STK11: variants seen among roughly 807,000 people sequenced by gnomAD.
The protein encoded by STK11 is serine/threonine kinase 11.
In STK11, 8 loss-of-function variants were observed where a neutral mutation model predicts 47.3. The observed-to-expected ratio is 0.17, with a 90% CI of 0.10 to 0.31. The LOEUF (loss-of-function observed/expected upper bound fraction) is 0.31, where lower values mean the gene tolerates loss of function less well. STK11 is among the 10% of genes least tolerant of loss of function. The pLI, the probability that STK11 is intolerant of heterozygous loss-of-function variation, is 1.00. For missense variants in STK11, 475 were observed against 605.0 expected, an observed-to-expected ratio of 0.79 and a Z score of 2.25; for synonymous variants, 330 against 255.8, an observed-to-expected ratio of 1.29 and a Z score of -2.77.
chr19:1,225,455 A>G (rs2080814206), intron 8 of STK11: 1 of 822,044 alleles, frequency 1.2e-6, no homozygotes, highest in Non-Finnish European at 1.5e-6. Context: ...TGTTTAGTAG[A>G]GACGGGGGTT....
At chr19:1,224,999 C>T (rs2080810886) in intron 8 of STK11, 1 of 985,606 alleles carries the variant, frequency 1.0e-6, no homozygotes, top group Non-Finnish European at 1.2e-6. Context: ...GGGGCTGCTG[C>T]ATCGGCCTCT....
In STK11 at chr19:1,227,755, G is replaced by GCGCAGCCCTCCCCCCTCGGC; in HGVS notation, c.*183_*202dup. The GCGCAGCCCTCCCCCCTCGGC allele has an allele frequency of 9.3e-7, 1 of 1,073,660 alleles. No individual in the cohort carries two copies. The highest frequency in any genetic ancestry group is 1.1e-6 in the Non-Finnish European group (1 of 884,404). 66.5% of individuals were successfully genotyped at this position (1,073,660 alleles called of 1,614,324 possible). A position where few individuals can be genotyped will look rare whatever the true frequency, so the allele number is the denominator to read the frequency against. ...CGGGCAGGGGGACAGCAGGGACCGG[G>GCGCAGCCCTCCCCCCTCGGC]CGCAGCCCTCCCCCCTCGGCCGCCC... On this transcript the variant is annotated 3_prime_UTR_variant, in exon 10 of 10. Coordinates refer to ENST00000326873, the MANE Select transcript of STK11 (RefSeq NM_000455.5).
rs374665365 is a variant in STK11, at chr19:1,218,305, G to T, written c.291-112G>T. On this transcript the variant is annotated intron_variant, in intron 1 of 9. Coordinates refer to ENST00000326873, the MANE Select transcript of STK11 (RefSeq NM_000455.5). Reference sequence around the variant, plus strand: ...TGTGAACTCACAGCTTCTCTCTAGGGAAGGGAGGAGGTACGCCACTTCCAC... The same window carrying T: ...TGTGAACTCACAGCTTCTCTCTAGGTAAGGGAGGAGGTACGCCACTTCCAC... 4.0e-5 allele frequency: 35 copies of T among 866,276 alleles called. No homozygotes were observed. The East Asian group carries it at 4.6e-4, about 11-fold the overall frequency. 53.7% of individuals were successfully genotyped at this position (866,276 alleles called of 1,614,324 possible).
At chr19:1,223,851 G>T in intron 8 of STK11, 5 of 1,024,086 alleles carry the variant, frequency 4.9e-6, no homozygotes, top group South Asian at 4.6e-5. Flanking sequence ...GGGCTGGGCC[G>T]TGTCATAAAG....
chr19:1,211,464 G>A (rs549961964), intron 1 of STK11, among the ~76,000 whole-genome samples: 3 of 151,736 alleles, frequency 2.0e-5, no homozygotes, highest in East Asian at 1.9e-4. Flanking sequence ...GGGTTCTGGG[G>A]GGGGGGGTGC....
intron 8 of STK11, chr19:1,224,661 G>T: frequency 1.0e-6 from 1 of 985,648 alleles, no homozygotes; most frequent in Non-Finnish European, 1.2e-6. Context: ...GGACCCTCAG[G>T]CCTGTGTGAG....
intron 8 of STK11, chr19:1,225,200 C>T (rs1220287200): frequency 1.6e-5 from 16 of 985,282 alleles, no homozygotes; most frequent in African/African-American, 1.7e-5. Context: ...ACAGGGTCTG[C>T]CCCACCAGAG....
chr19:1,226,360 T>C (rs1239393322), intron 8 of STK11, 94 bp from the exon 9 acceptor site: 1 of 1,535,750 alleles, frequency 6.5e-7, no homozygotes, highest in Non-Finnish European at 8.8e-7. Flanking sequence ...GGGCAGCAGC[T>C]GTAAGTGCGT....
intron 8 of STK11, chr19:1,226,038 C>G: frequency 2.0e-6 from 2 of 1,021,090 alleles, no homozygotes; most frequent in Non-Finnish European, 2.3e-6. Context: ...GAGCCTGGCC[C>G]TCCTGTGTCC....
At chr19:1,225,390 C>A in intron 8 of STK11, 1 of 831,966 alleles carries the variant, frequency 1.2e-6, no homozygotes, top group Non-Finnish European at 1.4e-6. Context: ...CTGCCTCAGC[C>A]TCCTGAGTAG....
chr19:1,219,462 G>C (rs1568706079), intron 3 of STK11, 49 bp downstream of exon 3: 6 of 1,534,086 alleles, frequency 3.9e-6, no homozygotes, highest in Non-Finnish European at 5.3e-6. Context: ...CGGGGGCCAG[G>C]CAGGGCAGGC....
chr19:1,214,242 G>C (rs1040032997), intron 1 of STK11, among the ~76,000 whole-genome samples: 1 of 152,212 alleles, frequency 6.6e-6, no homozygotes, highest in South Asian at 2.1e-4. Flanking sequence ...CCATCATCCC[G>C]GAGGTGACTG....
At chr19:1,225,725 A>G (rs1355724640) in intron 8 of STK11, 13 of 985,450 alleles carry the variant, frequency 1.3e-5, no homozygotes, top group Non-Finnish European at 1.6e-5. Flanking sequence ...CCTCCCACTG[A>G]CTTCGCCCGG....
rs759743897 is a variant in STK11, at chr19:1,220,703, G to T, written c.720G>T (p.Ser240=). ...TFSGFKVDIW[S]AGVTLYNITT... ...CCGGCTTCAAGGTGGACATCTGGTC[G>T]GCTGGGGTCACCCTGTAAGTGCCCC... Residue 240 remains serine (S), a synonymous_variant, in exon 5 of 10, where the codon TCG becomes TCT. Transcript: ENST00000326873. 6.2e-7 allele frequency: 1 copy of T among 1,609,358 alleles called. No homozygotes were observed. The highest frequency in any genetic ancestry group is 8.5e-7 in the Non-Finnish European group (1 of 1,178,352).
At chr19:1,217,337 C>T (rs1318634914) in intron 1 of STK11, among the ~76,000 whole-genome samples, 1 of 152,126 alleles carries the variant, frequency 6.6e-6, no homozygotes, top group Non-Finnish European at 1.5e-5. Flanking sequence ...GTAGCTAGGA[C>T]TTGAGGCACG....
At chr19:1,224,131 T>C in intron 8 of STK11, 1 of 988,390 alleles carries the variant, frequency 1.0e-6, no homozygotes, top group Non-Finnish European at 1.2e-6. Flanking sequence ...CTCAGCTCAG[T>C]AGCTGGTCCC....
rs2080843257 is a variant in STK11 at position 1,228,272 on chromosome 19, C to T, written c.*696C>T. The stretch of plus-strand genomic sequence containing the variant: ...CGCTCTTGGGACCCCAGAGAAAACC[C>T]GGAGCAAGCAGGAGTGTGCGGTCAA... On this transcript the variant is annotated 3_prime_UTR_variant, in exon 10 of 10. Transcript: ENST00000326873. The T allele has an allele frequency of 8.4e-6, 3 of 355,318 alleles. No homozygotes were observed. The highest frequency in any genetic ancestry group is 1.3e-5 in the Non-Finnish European group (3 of 230,314). The allele number at this position is 355,318 out of a possible 1,614,324, so 22.0% of individuals were successfully genotyped here.
In STK11 at chr19:1,228,386, C is replaced by T. The variant is rs1176145712; in HGVS notation, c.*810C>T. 3 of 230,394 alleles carry T rather than the reference C, an allele frequency of 1.3e-5. No individual in the cohort carries two copies. Among genetic ancestry groups the T allele is most frequent in the Non-Finnish European group, 2.6e-5 (3 of 116,644 alleles). 14.3% of individuals were successfully genotyped at this position (230,394 alleles called of 1,614,324 possible). A position where few individuals can be genotyped will look rare whatever the true frequency, so the allele number is the denominator to read the frequency against. On this transcript the variant is annotated 3_prime_UTR_variant, in exon 10 of 10. Transcript: ENST00000326873. ...GGGGACTCGGAGGGTGCCGTGCGGG[C>T]GAGGCCGCCCAAATTTGGCAATAAA...
chr19:1,219,796 C>T (rs1483285360), intron 3 of STK11, among the ~76,000 whole-genome samples: 2 of 152,224 alleles, frequency 1.3e-5, no homozygotes, highest in Admixed American at 6.5e-5. Flanking sequence ...CCGCCTGCCT[C>T]AGCCTCCCAA....
Sources: allele counts gnomAD v4.1 joint callset (sites outside exome capture counted in the v4.1 genomes callset), GRCh38; gene constraint gnomAD v4.1.1; transcripts MANE v1.5; gene names NCBI Gene and HGNC (gene_info 2026-07-23, HGNC 2026-07-21).